Variants in OR7C1 observed in about 807,000 individuals in gnomAD.
OR7C1 encodes olfactory receptor family 7 subfamily C member 1.
For synonymous variants in OR7C1, 152 were observed against 160.7 expected (o/e 0.95, Z 0.41); for missense variants, 324 against 383.3 (o/e 0.85, Z 1.29).
rs61731995 is a variant in OR7C1 at position 14,828,048 on chromosome 19, T to C, written c.-623+7026A>G. On this transcript the variant is annotated intron_variant, in intron 1 of 4. Coordinates refer to ENST00000641666, the Ensembl canonical transcript of OR7C1. The stretch of plus-strand genomic sequence containing the variant: ...AACACAAATGTCAGCAAAGGACAGG[T>C]TGGAGAGGAAGAAGTACATGGGGGT... 2,375 of 1,613,972 alleles carry C rather than the reference T, an allele frequency of 1.5e-3. 7 individuals are homozygous for C. Among genetic ancestry groups the C allele is most frequent in the Middle Eastern group, 7.4e-3 (45 of 6,062 alleles).
At chr19:14,830,451 T>C (rs2044819989) in intron 1 of OR7C1, among the ~76,000 whole-genome samples, 2 of 152,148 alleles carry the variant, frequency 1.3e-5, no homozygotes, top group Admixed American at 6.5e-5. Context: ...AGAAAGGAAC[T>C]GACTCCAAGG....
At chr19:14,810,378 T>TG (rs201031192) in intron 1 of OR7C1, among the ~76,000 whole-genome samples, 4,131 of 127,668 alleles carry the variant, frequency 0.032, 191 homozygotes, top group African/African-American at 0.11. Flanking sequence ...ATGAGTTTTT[T>TG]TTTTTTGTTT....
intron 1 of OR7C1, among the ~76,000 whole-genome samples, chr19:14,816,019 C>A (rs754932769): frequency 1.3e-5 from 2 of 152,018 alleles, no homozygotes; most frequent in Non-Finnish European, 2.9e-5. Context: ...GAGATGGGGT[C>A]TTGCTATGTT....
intron 1 of OR7C1, 41 bp downstream of exon 1, chr19:14,835,033 C>T (rs1304270770): frequency 6.6e-6 from 1 of 152,234 alleles, no homozygotes; most frequent in Non-Finnish European, 1.5e-5. Context: ...TCTATTCCAT[C>T]TATTGTTTTC....
chr19:14,802,260 C>CT (rs1464440189), intron 2 of OR7C1, among the ~76,000 whole-genome samples: 2 of 152,254 alleles, frequency 1.3e-5, no homozygotes, highest in African/African-American at 4.8e-5. Context: ...TGGCTCACGC[C>CT]TGTAATCCCA....
chr19:14,820,298 C>T (rs971692989), intron 1 of OR7C1, among the ~76,000 whole-genome samples: 6 of 151,096 alleles, frequency 4.0e-5, no homozygotes, highest in Non-Finnish European at 8.8e-5. Context: ...ATTTTCCCAG[C>T]CATTCCTTTT....
chr19:14,827,218 G>T, intron 1 of OR7C1: 2 of 1,440,230 alleles, frequency 1.4e-6, no homozygotes, highest in Non-Finnish European at 1.8e-6. Context: ...GAAGGAGCAA[G>T]TTCTATTTCC....
intron 2 of OR7C1, among the ~76,000 whole-genome samples, chr19:14,802,900 G>C (rs1295451202): frequency 1.3e-5 from 2 of 152,168 alleles, no homozygotes; most frequent in African/African-American, 2.4e-5. Context: ...GGTTTAATAG[G>C]CAAAAGAAAG....
intron 4 of OR7C1, 26 bp downstream of exon 4, chr19:14,800,230 G>A (rs1366890757): frequency 1.5e-6 from 2 of 1,361,800 alleles, no homozygotes; most frequent in South Asian, 1.5e-5. Context: ...AATTTTAAGT[G>A]AAGGAATCAA....
At chr19:14,810,381 T>TC (rs1599915773) in intron 1 of OR7C1, among the ~76,000 whole-genome samples, 1 of 135,176 alleles carries the variant, frequency 7.4e-6, no homozygotes, top group Non-Finnish European at 1.6e-5. Flanking sequence ...AGTTTTTTTT[T>TC]TTTGTTTTTT....
intron 2 of OR7C1, among the ~76,000 whole-genome samples, chr19:14,809,220 A>G (rs1190596305): frequency 1.3e-5 from 2 of 151,942 alleles, no homozygotes; most frequent in Admixed American, 6.6e-5. Context: ...CAGGTTCTAG[A>G]GGGAAAACGC....
chr19:14,828,372 C>G, intron 1 of OR7C1: 1 of 1,088,564 alleles, frequency 9.2e-7, no homozygotes, highest in Non-Finnish European at 1.3e-6. Context: ...GTGTATGAAT[C>G]TGGTTCTCTT....
chr19:14,812,739 C>T (rs192896205), intron 1 of OR7C1, among the ~76,000 whole-genome samples: 13 of 151,980 alleles, frequency 8.6e-5, no homozygotes, highest in African/African-American at 3.1e-4. Flanking sequence ...TTAGAGGGAA[C>T]ACTTCCTAAC....
chr19:14,821,494 C>T (rs2145069001), intron 1 of OR7C1: 1 of 152,078 alleles, frequency 6.6e-6, no homozygotes, highest in Middle Eastern at 3.4e-3. Flanking sequence ...GCCTTAAAAA[C>T]AAAAAACAAA....
At position 14,822,373 on chromosome 19, in the gene OR7C1, C is replaced by CTTTTTTTTTTTT. The variant is rs1162241411; in HGVS notation, c.-622-12392_-622-12381dup. ...ATCCTCATCAGCACTTATCTCCTGT[C>CTTTTTTTTTTTT]TTTTTTTTTTTTTTTTTTTTTTTTT... On this transcript the variant is annotated intron_variant, in intron 1 of 4. Transcript: ENST00000641666. Among the ~76,000 whole-genome samples, 55 of 67,714 alleles carry CTTTTTTTTTTTT rather than the reference C, an allele frequency of 8.1e-4. 9 individuals are homozygous for CTTTTTTTTTTTT. The highest frequency in any genetic ancestry group is 1.5e-3 in the African/African-American group (28 of 18,530). The allele number at this position is 67,714 out of a possible 152,430, so 44.4% of individuals were successfully genotyped here. A position where few individuals can be genotyped will look rare whatever the true frequency, so the allele number is the denominator to read the frequency against.
rs141480635 is a variant in OR7C1, at chr19:14,826,983, C to T, written c.-623+8091G>A. 354 of 232,296 alleles carry T rather than the reference C, an allele frequency of 1.5e-3. 3 individuals carry two copies. The highest frequency in any genetic ancestry group is 7.5e-3 in the African/African-American group (333 of 44,136). The allele number at this position is 232,296 out of a possible 1,614,324, so 14.4% of individuals were successfully genotyped here. A position where few individuals can be genotyped will look rare whatever the true frequency, so the allele number is the denominator to read the frequency against. ...CCCCAATTGCCAAGTGTAGTCTATG[C>T]CACAGGAGACATACAACTCTTCCCT... is the stretch of plus-strand genomic sequence containing the variant. On this transcript the variant is annotated intron_variant, in intron 1 of 4. Transcript: ENST00000641666.
chr19:14,827,206 T>G, intron 1 of OR7C1: 1 of 1,402,448 alleles, frequency 7.1e-7, no homozygotes, highest in East Asian at 2.4e-5. Flanking sequence ...TAAGTATTAA[T>G]AGAAGGAGCA....
rs73926686 is a variant in OR7C1, at chr19:14,809,805, C to T, written c.-435+1G>A. 0.011 allele frequency: 1,743 copies of T among 152,162 alleles called. 56 individuals are homozygous for T. The highest frequency in any genetic ancestry group is 0.039 in the African/African-American group (1,616 of 41,284). The allele number at this position is 152,162 out of a possible 1,614,324, so 9.4% of individuals were successfully genotyped here. A position where few individuals can be genotyped will look rare whatever the true frequency, so the allele number is the denominator to read the frequency against. On this transcript the variant is annotated splice_donor_variant, in intron 2 of 4. Coordinates refer to ENST00000641666, the Ensembl canonical transcript of OR7C1. LOFTEE classifies it low-confidence loss of function (5UTR_SPLICE). ...CCACAAAACTTTCCCACAGTACTTA[C>T]GGGTTTACTCTGGCTTCTCTTGATA...
intron 2 of OR7C1, among the ~76,000 whole-genome samples, chr19:14,801,740 C>A (rs577367912): frequency 3.3e-5 from 5 of 152,282 alleles, no homozygotes; most frequent in Middle Eastern, 3.4e-3. Flanking sequence ...AGGAAACTTA[C>A]AATTATGGTG....
Sources: allele counts gnomAD v4.1 joint callset (sites outside exome capture counted in the v4.1 genomes callset), GRCh38; gene constraint gnomAD v4.1.1; transcripts MANE v1.5; gene names NCBI Gene and HGNC (gene_info 2026-07-23, HGNC 2026-07-21).